The following DAPP1 variants were observed in gnomAD, a reference collection of about 807,000 sequenced individuals.
DAPP1 encodes dual adapter for phosphotyrosine and 3-phosphotyrosine and 3-phosphoinositide.
In DAPP1, 20 loss-of-function variants were observed where a neutral mutation model predicts 41.5. The ratio of observed to expected loss-of-function variants is 0.48; its 90% CI spans 0.34 to 0.70. The LOEUF (loss-of-function observed/expected upper bound fraction) is 0.70. Among genes scored for constraint, DAPP1 ranks in the 30% least tolerant of loss-of-function variants. The pLI, the probability that DAPP1 is intolerant of heterozygous loss-of-function variation, is 0.01. For synonymous variants in DAPP1, 113 were observed against 116.2 expected (o/e 0.97, Z 0.18); for missense variants, 233 against 333.4 (o/e 0.70, Z 2.35).
At chr4:99,840,055 C>G (rs947901742) in intron 2 of DAPP1, among the ~76,000 whole-genome samples, 9 of 152,112 alleles carry the variant, frequency 5.9e-5, no homozygotes, top group Non-Finnish European at 1.5e-5. Flanking sequence ...GAGCAAGACT[C>G]TGTCTCAAAA....
At chr4:99,828,524 G>C (rs17029546) in intron 1 of DAPP1, among the ~76,000 whole-genome samples, 11,452 of 152,158 alleles carry the variant, frequency 0.075, 490 homozygotes, top group Middle Eastern at 0.14. Context: ...AATTAAAACA[G>C]TAAAACCCAG....
intron 4 of DAPP1, among the ~76,000 whole-genome samples, chr4:99,857,723 C>T (rs1724096575): frequency 6.7e-6 from 1 of 150,100 alleles, no homozygotes. Context: ...CACACACACA[C>T]ACACACACAC....
At chr4:99,850,055 G>T (rs1723799893) in intron 3 of DAPP1, among the ~76,000 whole-genome samples, 1 of 152,226 alleles carries the variant, frequency 6.6e-6, no homozygotes, top group Non-Finnish European at 1.5e-5. Flanking sequence ...TTCCAGAATT[G>T]TAAGATGATA....
At chr4:99,839,748 G>C (rs922286199) in intron 2 of DAPP1, among the ~76,000 whole-genome samples, 5 of 152,270 alleles carry the variant, frequency 3.3e-5, no homozygotes, top group African/African-American at 7.2e-5. Flanking sequence ...AGGGAGAACA[G>C]TCTCTTGTCT....
rs1724600496 is a variant in DAPP1, at chr4:99,870,183, A to T, written c.*1998A>T. 1 of 152,120 alleles carries T rather than the reference A, an allele frequency of 6.6e-6. No individual in the cohort carries two copies. Among genetic ancestry groups the T allele is most frequent in the Non-Finnish European group, 1.5e-5 (1 of 68,028 alleles). The allele number at this position is 152,120 out of a possible 1,614,324, so 9.4% of individuals were successfully genotyped here. On this transcript the variant is annotated 3_prime_UTR_variant, in exon 9 of 9. Transcript: ENST00000512369. ...TTAAAATTTATTTTTAATATTTGTA[A>T]CTTGAAAGAAATATACAACTGATTA...
chr4:99,817,185 T>C (rs1722616800), intron 1 of DAPP1, among the ~76,000 whole-genome samples, 171 bp downstream of exon 1: 1 of 152,226 alleles, frequency 6.6e-6, no homozygotes. Context: ...TCTTCTTGTC[T>C]GGGGCTAATT....
At chr4:99,867,665 A>G (rs1372070763) in intron 8 of DAPP1, among the ~76,000 whole-genome samples, 1 of 152,256 alleles carries the variant, frequency 6.6e-6, no homozygotes, top group Non-Finnish European at 1.5e-5. Context: ...GAGTGCATGT[A>G]TCCACTAAAA....
In DAPP1 at chr4:99,863,032, C is replaced by T. The variant is rs751007881; in HGVS notation, c.560C>T (p.Thr187Ile). ...CAGACCTGGAAAACAAGATGGTTTA[C>T]TCTGCACAGGAATGAACTGAAATAC... ...LVKTWKTRWF[T>I]LHRNELKYFK... Residue 187 changes from threonine (T) to isoleucine (I), a missense_variant, in exon 6 of 9, where the codon ACT becomes ATT. Thr to Ile is a moderately conservative substitution (Grantham distance 89). Transcript: ENST00000512369. 1.3e-6 allele frequency: 2 copies of T among 1,592,532 alleles called. 1 individual carries two copies. Among genetic ancestry groups the T allele is most frequent in the South Asian group, 2.3e-5 (2 of 86,386 alleles).
intron 8 of DAPP1, 64 bp from the exon 9 acceptor site, chr4:99,868,053 G>T (rs1724522317): frequency 2.9e-6 from 4 of 1,388,778 alleles, no homozygotes; most frequent in African/African-American, 1.4e-5. Flanking sequence ...TTTAATATTT[G>T]TTAGAAGCCA....
intron 1 of DAPP1, among the ~76,000 whole-genome samples, chr4:99,835,309 A>G (rs1484679483): frequency 1.3e-5 from 2 of 152,084 alleles, no homozygotes; most frequent in Non-Finnish European, 2.9e-5. Context: ...ACACCCAGCC[A>G]TGACCTCATT....
At chr4:99,845,764 A>G (rs1003776497) in intron 3 of DAPP1, among the ~76,000 whole-genome samples, 1 of 152,226 alleles carries the variant, frequency 6.6e-6, no homozygotes, top group Admixed American at 6.5e-5. Flanking sequence ...TAAAACATAA[A>G]AAGGCTGAAA....
intron 3 of DAPP1, among the ~76,000 whole-genome samples, chr4:99,847,638 T>C (rs1340054606): frequency 1.3e-5 from 2 of 152,216 alleles, no homozygotes; most frequent in African/African-American, 4.8e-5. Context: ...CTTGCTCTGC[T>C]ACCCCTGCCT....
intron 7 of DAPP1, chr4:99,865,540 T>C (rs1724393573): frequency 6.6e-6 from 1 of 152,174 alleles, no homozygotes; most frequent in Non-Finnish European, 1.5e-5. Flanking sequence ...AGAGTTATCC[T>C]CGTTGAAGCA....
intron 1 of DAPP1, among the ~76,000 whole-genome samples, chr4:99,827,504 G>T (rs1722972948): frequency 6.7e-6 from 1 of 148,906 alleles, no homozygotes; most frequent in Admixed American, 6.7e-5. Flanking sequence ...CTGCACTCCA[G>T]CCTGGGCAAC....
At chr4:99,835,145 A>T (rs2110142757) in intron 1 of DAPP1, among the ~76,000 whole-genome samples, 1 of 151,648 alleles carries the variant, frequency 6.6e-6, no homozygotes, top group South Asian at 2.1e-4. Context: ...AGTAGCTGGG[A>T]TTATAGGTGC....
chr4:99,828,761 G>T (rs1723027484), intron 1 of DAPP1, among the ~76,000 whole-genome samples: 2 of 152,178 alleles, frequency 1.3e-5, no homozygotes, highest in Admixed American at 1.3e-4. Flanking sequence ...CTGTATCATG[G>T]AAAGGATAAT....
intron 8 of DAPP1, among the ~76,000 whole-genome samples, chr4:99,867,497 A>C (rs899822483): frequency 6.6e-6 from 1 of 152,218 alleles, no homozygotes; most frequent in African/African-American, 2.4e-5. Context: ...ATCAAGTATT[A>C]GCATGAATGC....
chr4:99,850,908 C>T (rs1033342133), intron 3 of DAPP1, among the ~76,000 whole-genome samples: 7 of 152,198 alleles, frequency 4.6e-5, no homozygotes, highest in Admixed American at 6.5e-5. Context: ...ATTATTCTCA[C>T]TAGTAAGGAG....
intron 1 of DAPP1, among the ~76,000 whole-genome samples, chr4:99,828,070 T>C (rs894569707): frequency 6.6e-6 from 1 of 152,240 alleles, no homozygotes; most frequent in Non-Finnish European, 1.5e-5. Context: ...ATACAAGTAC[T>C]GAGTTCCCCA....
Sources: allele counts gnomAD v4.1 joint callset (sites outside exome capture counted in the v4.1 genomes callset), GRCh38; gene constraint gnomAD v4.1.1; transcripts MANE v1.5; gene names NCBI Gene and HGNC (gene_info 2026-07-23, HGNC 2026-07-21).